The following HS3ST4 variants were observed in gnomAD, a reference collection of about 807,000 sequenced individuals.
HS3ST4 encodes heparan sulfate glucosamine 3-O-sulfotransferase 4.
In HS3ST4, 17 loss-of-function variants were observed where a neutral mutation model predicts 29.2. The observed-to-expected ratio is 0.58, with a 90% confidence interval of 0.40 to 0.87. The LOEUF (loss-of-function observed/expected upper bound fraction) is 0.87. Among genes scored for constraint, HS3ST4 ranks in the 40% least tolerant of loss-of-function variants. The pLI is 0.00. For synonymous variants in HS3ST4, 314 were observed against 285.7 expected, an observed-to-expected ratio of 1.10 and a Z score of -1.00; for missense variants, 627 against 634.5, an observed-to-expected ratio of 0.99 and a Z score of 0.13.
At chr16:25,780,028 G>A (rs1322862683) in intron 1 of HS3ST4, among the ~76,000 whole-genome samples, 1 of 152,174 alleles carries the variant, frequency 6.6e-6, no homozygotes, top group African/African-American at 2.4e-5. Context: ...TGTCCTAGGA[G>A]GCAAGCGGGC....
intron 1 of HS3ST4, among the ~76,000 whole-genome samples, chr16:25,758,509 G>A (rs533836222): frequency 6.6e-6 from 1 of 152,258 alleles, no homozygotes; most frequent in South Asian, 2.1e-4. Flanking sequence ...GGGCCTCAAG[G>A]ATGCCTAGGC....
chr16:25,892,007 C>A (rs1968014093), intron 1 of HS3ST4, among the ~76,000 whole-genome samples: 1 of 152,170 alleles, frequency 6.6e-6, no homozygotes, highest in Admixed American at 6.5e-5. Context: ...CAGAGCCTGG[C>A]ACACTGTAAA....
intron 1 of HS3ST4, among the ~76,000 whole-genome samples, chr16:25,915,836 T>A (rs1019523937): frequency 6.6e-6 from 1 of 152,202 alleles, no homozygotes; most frequent in Non-Finnish European, 1.5e-5. Flanking sequence ...ACTCAGCTTC[T>A]GCATTAAGAT....
intron 1 of HS3ST4, among the ~76,000 whole-genome samples, chr16:25,767,518 C>T (rs987854018): frequency 3.3e-5 from 5 of 152,100 alleles, no homozygotes; most frequent in African/African-American, 1.2e-4. Context: ...GAAAGAGAAA[C>T]GTAAGTCAAA....
chr16:26,026,386 G>A (rs563784565), intron 1 of HS3ST4, among the ~76,000 whole-genome samples: 25 of 152,312 alleles, frequency 1.6e-4, no homozygotes, highest in African/African-American at 5.5e-4. Context: ...TTGCACCTAG[G>A]AGGAAGTTTG....
In HS3ST4 at chr16:25,749,650, A is replaced by G. The variant is rs1331265611; in HGVS notation, c.734+56499A>G. On this transcript the variant is annotated intron_variant, in intron 1 of 1. Transcript: ENST00000331351. ...GAGTTTGGGCAAGCTGTTGTCCTCT[A>G]TGTGCCTCAGTTTCCCATTTGTAAA... Among the ~76,000 whole-genome samples the G allele has an allele frequency of 3.3e-5, 5 of 152,198 alleles. No homozygotes were observed. The South Asian group carries it at 6.2e-4, about 19-fold the overall frequency.
chr16:25,872,905 T>C (rs1967770224), intron 1 of HS3ST4, among the ~76,000 whole-genome samples: 2 of 152,060 alleles, frequency 1.3e-5, no homozygotes, highest in Admixed American at 1.3e-4. Context: ...TGTTTTGTTT[T>C]GTTTCGTTTT....
chr16:25,823,616 A>G (rs955754661), intron 1 of HS3ST4, among the ~76,000 whole-genome samples: 1 of 152,146 alleles, frequency 6.6e-6, no homozygotes, highest in Non-Finnish European at 1.5e-5. Flanking sequence ...ACTGGAGTGC[A>G]GTGGGATGAT....
At chr16:25,887,615 T>A (rs2141667015) in intron 1 of HS3ST4, among the ~76,000 whole-genome samples, 1 of 151,654 alleles carries the variant, frequency 6.6e-6, no homozygotes, top group South Asian at 2.1e-4. Flanking sequence ...AGGTTGGAAG[T>A]CAGAATGTTG....
chr16:26,112,917 T>A (rs140560260), intron 1 of HS3ST4, among the ~76,000 whole-genome samples: 5 of 151,534 alleles, frequency 3.3e-5, no homozygotes, highest in Admixed American at 6.6e-5. Context: ...GGCATTAGCT[T>A]TAAGGTGAGC....
At chr16:26,092,359 C>G (rs555248444) in intron 1 of HS3ST4, among the ~76,000 whole-genome samples, 1 of 152,260 alleles carries the variant, frequency 6.6e-6, no homozygotes, top group African/African-American at 2.4e-5. Flanking sequence ...CACTAAGATA[C>G]CTGCCCCAGG....
At chr16:26,001,907 A>G (rs750429228) in intron 1 of HS3ST4, among the ~76,000 whole-genome samples, 1 of 152,138 alleles carries the variant, frequency 6.6e-6, no homozygotes, top group Non-Finnish European at 1.5e-5. Flanking sequence ...GGAGAAGAGA[A>G]GAAAGGATGT....
rs56115380 is a variant in HS3ST4, at chr16:25,724,112, C to CAA, written c.734+30985_734+30986dup. ...CTGGCGACAGAGCGAGACTCCATCT[C>CAA]AAAAAAAAAAAAAAAAAAAAAAAAA... On this transcript the variant is annotated intron_variant, in intron 1 of 1. Coordinates refer to ENST00000331351, the MANE Select transcript of HS3ST4 (RefSeq NM_006040.3). Among the ~76,000 whole-genome samples, 304 of 77,154 alleles carry CAA rather than the reference C, an allele frequency of 3.9e-3. 3 individuals are homozygous for CAA. Among genetic ancestry groups the CAA allele is most frequent in the African/African-American group, 0.012 (252 of 20,448 alleles). The allele number at this position is 77,154 out of a possible 152,430, so 50.6% of individuals were successfully genotyped here. A position where few individuals can be genotyped will look rare whatever the true frequency, so the allele number is the denominator to read the frequency against.
intron 1 of HS3ST4, among the ~76,000 whole-genome samples, chr16:25,698,758 G>A (rs1273007212): frequency 2.0e-5 from 3 of 152,140 alleles, no homozygotes; most frequent in Admixed American, 2.0e-4. Context: ...ATTTGGGATG[G>A]TTTGGGAAAA....
chr16:26,044,574 T>C (rs1898243192), intron 1 of HS3ST4, among the ~76,000 whole-genome samples: 2 of 152,166 alleles, frequency 1.3e-5, no homozygotes. Context: ...ATCTGGCTAT[T>C]CCTCCCTTTC....
chr16:26,045,826 C>G (rs1174246863), intron 1 of HS3ST4, among the ~76,000 whole-genome samples: 1 of 152,120 alleles, frequency 6.6e-6, no homozygotes, highest in African/African-American at 2.4e-5. Flanking sequence ...TGAAGCTGAC[C>G]TTTTCCTTGA....
At chr16:26,040,832 G>C (rs1403931679) in intron 1 of HS3ST4, among the ~76,000 whole-genome samples, 1 of 152,004 alleles carries the variant, frequency 6.6e-6, no homozygotes, top group Non-Finnish European at 1.5e-5. Context: ...GCTAAGCACT[G>C]CCTTAAGAGG....
At chr16:25,967,795 T>C (rs951587390) in intron 1 of HS3ST4, among the ~76,000 whole-genome samples, 1 of 152,122 alleles carries the variant, frequency 6.6e-6, no homozygotes, top group African/African-American at 2.4e-5. Context: ...GGGTGGAGTT[T>C]GTGACTCTGA....
chr16:25,995,989 G>A (rs1365734958), intron 1 of HS3ST4, among the ~76,000 whole-genome samples: 3 of 138,374 alleles, frequency 2.2e-5, no homozygotes, highest in Admixed American at 7.5e-5. Context: ...CAGTTATTTT[G>A]TTCTTCCTCC....
Sources: gnomAD v4.1 joint callset for allele counts (sites outside exome capture counted in the v4.1 genomes callset) on GRCh38, gnomAD v4.1.1 for gene constraint, MANE v1.5 for transcripts, NCBI Gene and HGNC (gene_info 2026-07-23, HGNC 2026-07-21) for gene names.